The following SPTBN1 variants were observed in gnomAD, a reference collection of about 807,000 sequenced individuals.
SPTBN1 encodes the protein spectrin beta, non-erythrocytic 1, also known as spectrin beta chain, non-erythrocytic 1.
A neutral mutation model predicts 266.4 loss-of-function variants in SPTBN1; 32 were observed. The ratio of observed to expected loss-of-function variants is 0.12; its 90% confidence interval spans 0.09 to 0.16. SPTBN1 has a LOEUF of 0.16. Among genes scored for constraint, SPTBN1 ranks in the 10% least tolerant of loss-of-function variants. SPTBN1 has a pLI of 1.00. For missense variants in SPTBN1, 2,296 were observed against 3,067.1 expected (o/e 0.75, Z 5.94); for synonymous variants, 1,336 against 1,162.2 (o/e 1.15, Z -3.04).
intron 2 of SPTBN1, among the ~76,000 whole-genome samples, chr2:54,591,116 T>G (rs1217718420): frequency 1.3e-5 from 2 of 152,226 alleles, no homozygotes; most frequent in Admixed American, 1.3e-4. Context: ...TTTTTTAACT[T>G]TTTATTTTGT....
intron 2 of SPTBN1, among the ~76,000 whole-genome samples, chr2:54,593,524 C>T (rs561196925): frequency 6.6e-6 from 1 of 152,184 alleles, no homozygotes; most frequent in African/African-American, 2.4e-5. Context: ...GAGGTGGGGT[C>T]CTCAGGTGTG....
In SPTBN1 at chr2:54,505,852, C is replaced by T. The variant is rs377729551; in HGVS notation, c.-47-20520C>T. ...TATTTTTAAAAATCTGGGCCAGGCG[C>T]GGTGGCTCACGCCTGTAATCCCAGC... is the stretch of plus-strand genomic sequence containing the variant. On this transcript the variant is annotated intron_variant, in intron 1 of 35. Transcript: ENST00000356805. Among the ~76,000 whole-genome samples the T allele has an allele frequency of 1.3e-3, 198 of 152,192 alleles. 4 individuals carry two copies. In the South Asian group the frequency reaches 0.034, roughly 26 times the overall value.
chr2:54,470,285 C>T (rs1693854635), intron 1 of SPTBN1, among the ~76,000 whole-genome samples: 1 of 152,106 alleles, frequency 6.6e-6, no homozygotes, highest in South Asian at 2.1e-4. Context: ...TTTATTGGTA[C>T]ATGTGTACAT....
rs527890644 is a variant in SPTBN1 at position 54,584,943 on chromosome 2, T to C, written c.149-14149T>C. 4.0e-4 allele frequency among the ~76,000 whole-genome samples: 61 copies of C among 151,474 alleles called. 1 individual carries two copies. Among genetic ancestry groups the C allele is most frequent in the African/African-American group, 1.4e-3 (59 of 41,276 alleles). Reference sequence around the variant, plus strand: ...CTTGCGTGTAGGGACAAGGGAGAGGTGGGGTGGGAGGCTTGCAAGTGGATG... The same window carrying C: ...CTTGCGTGTAGGGACAAGGGAGAGGCGGGGTGGGAGGCTTGCAAGTGGATG... On this transcript the variant is annotated intron_variant, in intron 2 of 35. Transcript: ENST00000356805.
At chr2:54,539,679 A>G (rs575513285) in intron 2 of SPTBN1, among the ~76,000 whole-genome samples, 1 of 152,252 alleles carries the variant, frequency 6.6e-6, no homozygotes, top group African/African-American at 2.4e-5. Flanking sequence ...AGCTGGGACA[A>G]CAGGCACACA....
At chr2:54,657,754 A>G (rs1017775819) in intron 29 of SPTBN1, 96 bp from the exon 30 acceptor site, 1 of 1,389,488 alleles carries the variant, frequency 7.2e-7, no homozygotes, top group Non-Finnish European at 1.0e-6. Flanking sequence ...TTATGCAGGT[A>G]GCCATCACCA....
chr2:54,502,241 C>G (rs1669309955), intron 1 of SPTBN1, among the ~76,000 whole-genome samples: 1 of 152,058 alleles, frequency 6.6e-6, no homozygotes, highest in Non-Finnish European at 1.5e-5. Context: ...CCCTTGCTCT[C>G]ATCTGGAAGC....
intron 30 of SPTBN1, 152 bp downstream of exon 30, chr2:54,658,198 G>A (rs1355202644): frequency 8.6e-6 from 8 of 925,718 alleles, no homozygotes; most frequent in Non-Finnish European, 1.3e-5. Context: ...GGTGGCTCCT[G>A]TGGAGCAGGA....
intron 2 of SPTBN1, among the ~76,000 whole-genome samples, chr2:54,573,768 G>C (rs1340185318): frequency 6.6e-6 from 1 of 152,132 alleles, no homozygotes; most frequent in Non-Finnish European, 1.5e-5. Flanking sequence ...CTCTGCCTGC[G>C]GCTCTTTGCT....
At chr2:54,555,971 C>T (rs1672839492) in intron 2 of SPTBN1, among the ~76,000 whole-genome samples, 1 of 152,224 alleles carries the variant, frequency 6.6e-6, no homozygotes, top group Non-Finnish European at 1.5e-5. Flanking sequence ...TTACTATATT[C>T]TTTTGGTACT....
At chr2:54,517,272 G>T (rs999158637) in intron 1 of SPTBN1, among the ~76,000 whole-genome samples, 7 of 151,834 alleles carry the variant, frequency 4.6e-5, no homozygotes, top group Non-Finnish European at 7.4e-5. Flanking sequence ...TTTACAGAAG[G>T]TTTGAAATAA....
chr2:54,623,569 G>C lies in SPTBN1; in HGVS notation c.1155G>C (p.Glu385Asp). ...ANNQKVYMPREGKLISDINKA... is the reference protein window; with the variant it reads ...ANNQKVYMPRDGKLISDINKA... ...ACCAGAAGGTCTACATGCCCCGGGA[G>C]GGGAAGCTCATCTCTGACATCAACA... Residue 385 changes from glutamate (E) to aspartate (D), a missense_variant, in exon 10 of 36, where the codon GAG (glutamate) becomes GAC (aspartate). Glu to Asp is a conservative substitution (Grantham distance 45). This residue lies in a region of SPTBN1 where 148 missense variants were observed against 203.8 expected (regional missense o/e 0.73). Transcript: ENST00000356805. 6.2e-7 allele frequency: 1 copy of C among 1,614,076 alleles called. No individual in the cohort carries two copies. Among genetic ancestry groups the C allele is most frequent in the Non-Finnish European group, 8.5e-7 (1 of 1,179,972 alleles).
At chr2:54,501,269 C>G (rs930165707) in intron 1 of SPTBN1, among the ~76,000 whole-genome samples, 1 of 152,150 alleles carries the variant, frequency 6.6e-6, no homozygotes, top group South Asian at 2.1e-4. Flanking sequence ...TGATAAACTG[C>G]CTCTGGGGCT....
At chr2:54,601,982 G>T (rs1676528756) in intron 3 of SPTBN1, among the ~76,000 whole-genome samples, 1 of 152,120 alleles carries the variant, frequency 6.6e-6, no homozygotes, top group South Asian at 2.1e-4. Flanking sequence ...ACATCACAAG[G>T]CAGAGATCTC....
chr2:54,627,976 C>T (rs763634651), intron 12 of SPTBN1, 121 bp from the exon 13 acceptor site: 7 of 1,180,810 alleles, frequency 5.9e-6, no homozygotes, highest in African/African-American at 4.7e-5. Context: ...GGTGTGGGGT[C>T]CATGGCAGAC....
At chr2:54,586,293 C>G (rs955067382) in intron 2 of SPTBN1, among the ~76,000 whole-genome samples, 8 of 152,192 alleles carry the variant, frequency 5.3e-5, no homozygotes, top group African/African-American at 1.4e-4. Flanking sequence ...AACTTTTCTA[C>G]AATGGGTTAT....
At chr2:54,461,842 G>T (rs1466970974) in intron 1 of SPTBN1, among the ~76,000 whole-genome samples, 4 of 152,046 alleles carry the variant, frequency 2.6e-5, no homozygotes, top group Non-Finnish European at 5.9e-5. Flanking sequence ...TTACTTCTCA[G>T]CTTGTGTTTT....
intron 3 of SPTBN1, among the ~76,000 whole-genome samples, chr2:54,610,122 C>T (rs1677112954): frequency 7.1e-6 from 1 of 140,380 alleles, no homozygotes; most frequent in African/African-American, 2.7e-5. Flanking sequence ...TCATCTGCTG[C>T]CTCTTGGTCA....
intron 30 of SPTBN1, 40 bp downstream of exon 30, chr2:54,658,086 G>A (rs1370267076): frequency 1.2e-6 from 2 of 1,610,654 alleles, no homozygotes; most frequent in Admixed American, 1.7e-5. Context: ...GGTGCCCTGG[G>A]CAGCCTTTTC....
Sources: allele counts gnomAD v4.1 joint callset (sites outside exome capture counted in the v4.1 genomes callset), GRCh38; gene constraint gnomAD v4.1.1; regional missense constraint gnomAD v4.1.1; transcripts MANE v1.5; gene names NCBI Gene and HGNC (gene_info 2026-07-23, HGNC 2026-07-21).